The following SPATA31C2 variants were observed in gnomAD, a reference collection of about 807,000 sequenced individuals.
The protein encoded by SPATA31C2 is spermatogenesis-associated protein 31C2.
A neutral mutation model predicts 11.4 loss-of-function variants in SPATA31C2; 5 were observed. The ratio of observed to expected loss-of-function variants is 0.44; its 90% CI spans 0.23 to 0.92. The LOEUF (loss-of-function observed/expected upper bound fraction) is 0.92. SPATA31C2 is among the 40% of genes least tolerant of loss of function. The pLI is 0.24. For synonymous variants in SPATA31C2, 515 were observed against 538.7 expected (o/e 0.96, Z 0.61); for missense variants, 1,353 against 1,368.6 (o/e 0.99, Z 0.18).
Position 88,131,104 on chromosome 9 carries a change from C to T in SPATA31C2, c.1933G>A (p.Val645Met). ...LSFLEPCTQQ[V>M]LGAHIVRFWA... is the part of the protein sequence containing the mutation. ...AACCTCACAATATGGGCTCCCAGCACCTGCTGAGTACACGGCTCAAGGAAG... is the reference window on the plus strand; with the variant it reads ...AACCTCACAATATGGGCTCCCAGCATCTGCTGAGTACACGGCTCAAGGAAG... The change falls in exon 4 of 4, where the codon GTG becomes ATG. Residue 645 changes from valine to methionine, a missense_variant. Val to Met is a conservative substitution (Grantham distance 21). Around this residue, in one of 6 missense-constraint regions of SPATA31C2, gnomAD observed 1,075 missense variants for 992.8 expected, o/e 1.08. Coordinates refer to ENST00000324915, the MANE Select transcript of SPATA31C2 (RefSeq NM_001350978.3). 6.2e-7 allele frequency: 1 copy of T among 1,612,040 alleles called. No individual in the cohort carries two copies. The highest frequency in any genetic ancestry group is 1.1e-5 in the South Asian group (1 of 90,988).
At position 88,137,953 on chromosome 9, in the gene SPATA31C2, G is replaced by A. The variant is rs1225396339; in HGVS notation, c.189+305C>T. ...CATCTCATGACCAGAGACCTCCCCC[G>A]TCTCATGACCAGAGACCTCCCCCGT... On this transcript the variant is annotated intron_variant, in intron 1 of 3. Coordinates refer to ENST00000324915, the MANE Select transcript of SPATA31C2 (RefSeq NM_001350978.3). 3.6e-5 allele frequency among the ~76,000 whole-genome samples: 4 copies of A among 111,908 alleles called. 1 individual carries two copies. In the South Asian group the frequency reaches 8.6e-4, roughly 24 times the overall value. The allele number at this position is 111,908 out of a possible 152,430, so 73.4% of individuals were successfully genotyped here.
rs756886875 is a variant in SPATA31C2 at position 88,132,573 on chromosome 9, A to C, written c.464T>G (p.Val155Gly). ...AGGATCCGGGGAAGCTAACGGGGAGACAATGGGAGCAGCGTCTTCCGTAGG... is the reference window on the plus strand; with the variant it reads ...AGGATCCGGGGAAGCTAACGGGGAGCCAATGGGAGCAGCGTCTTCCGTAGG... Reference protein sequence around the residue: ...HEPTEDAAPIVSPLASPDPRT... With the variant: ...HEPTEDAAPIGSPLASPDPRT... Residue 155 changes from valine to glycine, a missense_variant, in exon 4 of 4, where the codon GTC (valine) becomes GGC (glycine). Val to Gly is a moderately radical substitution (Grantham distance 109). This residue lies in a region of SPATA31C2 where 1,075 missense variants were observed against 992.8 expected (regional missense o/e 1.08). Coordinates refer to ENST00000324915, the MANE Select transcript of SPATA31C2 (RefSeq NM_001350978.3). 1 of 1,610,230 alleles carries C rather than the reference A, an allele frequency of 6.2e-7. No individual in the cohort carries two copies. Among genetic ancestry groups the C allele is most frequent in the Non-Finnish European group, 8.5e-7 (1 of 1,177,748 alleles).
At position 88,136,874 on chromosome 9, in the gene SPATA31C2, C is replaced by G. The variant is rs367570307; in HGVS notation, c.189+1384G>C. On this transcript the variant is annotated intron_variant, in intron 1 of 3. Coordinates refer to ENST00000324915, the MANE Select transcript of SPATA31C2 (RefSeq NM_001350978.3). ...TTCCATACACTACCACCCCTCCACCCTGCTCTGTGGCTATAAAATTTCTAT... is the reference window on the plus strand; with the variant it reads ...TTCCATACACTACCACCCCTCCACCGTGCTCTGTGGCTATAAAATTTCTAT... Among the ~76,000 whole-genome samples the G allele has an allele frequency of 2.3e-5, 3 of 128,736 alleles. No individual in the cohort carries two copies. The East Asian group carries it at 7.5e-4, about 32-fold the overall frequency. 84.5% of individuals were successfully genotyped at this position (128,736 alleles called of 152,430 possible). A position where few individuals can be genotyped will look rare whatever the true frequency, so the allele number is the denominator to read the frequency against.
At position 88,136,205 on chromosome 9, in the gene SPATA31C2, T is replaced by G. The variant is rs1445846002; in HGVS notation, c.189+2053A>C. On this transcript the variant is annotated intron_variant, in intron 1 of 3. Coordinates refer to ENST00000324915, the MANE Select transcript of SPATA31C2 (RefSeq NM_001350978.3). ...GCCTTGGCCTCCCAAAGTGCTGGGA[T>G]TACAGGCGTGAGCCACCGTGCCGGG... 2.1e-5 allele frequency among the ~76,000 whole-genome samples: 3 copies of G among 144,626 alleles called. No individual in the cohort carries two copies. The Admixed American group carries it at 2.1e-4, about 10-fold the overall frequency. 94.9% of individuals were successfully genotyped at this position (144,626 alleles called of 152,430 possible). A position where few individuals can be genotyped will look rare whatever the true frequency, so the allele number is the denominator to read the frequency against.
chr9:88,131,998 G>A lies in SPATA31C2; in HGVS notation c.1039C>T (p.Pro347Ser), dbSNP rs1202718620. 2.5e-6 allele frequency: 4 copies of A among 1,611,080 alleles called. No homozygotes were observed. Among genetic ancestry groups the A allele is most frequent in the South Asian group, 1.1e-5 (1 of 91,036 alleles). The change falls in exon 4 of 4, where the codon CCT (proline) becomes TCT (serine). Residue 347 changes from proline to serine, a missense_variant. By Grantham distance (74) the Pro-to-Ser change is moderately conservative (BLOSUM62 -1). Coordinates refer to ENST00000324915, the MANE Select transcript of SPATA31C2 (RefSeq NM_001350978.3). The stretch of plus-strand genomic sequence containing the variant: ...GCCTGAGCCTCGGCCTGAGCCATAG[G>A]TGTGGGCCAGAATTGGGGTGTGGAT... ...ISSTPQFWPTPMAQAEAQAHL... is the reference protein window; with the variant it reads ...ISSTPQFWPTSMAQAEAQAHL...
chr9:88,137,269 G>A (rs1215463377), intron 1 of SPATA31C2, among the ~76,000 whole-genome samples: 1 of 148,910 alleles, frequency 6.7e-6, no homozygotes, highest in Non-Finnish European at 1.5e-5. Flanking sequence ...CAGTGGTTCT[G>A]GAGCAGTTAG....
intron 1 of SPATA31C2, among the ~76,000 whole-genome samples, chr9:88,135,870 TA>T (rs1326382985): frequency 3.8e-5 from 5 of 130,516 alleles, no homozygotes; most frequent in African/African-American, 6.2e-5. Flanking sequence ...AAGATTTTTT[TA>T]AAATTCTATT....
chr9:88,133,610 T>A lies in SPATA31C2; in HGVS notation c.249A>T (p.Lys83Asn). The A allele has an allele frequency of 1.2e-6, 2 of 1,604,330 alleles. No individual in the cohort carries two copies. Among genetic ancestry groups the A allele is most frequent in the Non-Finnish European group, 1.7e-6 (2 of 1,173,944 alleles). Residue 83 changes from lysine to asparagine, a missense_variant, in exon 2 of 4, where the codon AAA becomes AAT. Around this residue, in one of 6 missense-constraint regions of SPATA31C2, gnomAD observed 67 missense variants for 41.4 expected, o/e 1.62. Transcript: ENST00000324915. The stretch of plus-strand genomic sequence containing the variant: ...GAGCCTTACCTCTCAGACTGTGGTT[T>A]TTCATCCTGCCTCTGGGCCTCCCCC... ...GRRGRPRGRM[K>N]NHSLRACREC...
Position 88,130,023 on chromosome 9 carries a change from G to T in SPATA31C2, c.3014C>A (p.Ser1005Ter), listed in dbSNP as rs1444229536. 1 of 1,608,514 alleles carries T rather than the reference G, an allele frequency of 6.2e-7. No individual in the cohort carries two copies. The highest frequency in any genetic ancestry group is 8.5e-7 in the Non-Finnish European group (1 of 1,176,866). ...QLLPSKKQPP[S>*]ISHFGENIKQ... ...GATGTTTTCTCCAAAGTGGCTTATT[G>T]AAGGAGGCTGTTTCTTTGATGGCAG... The change falls in exon 4 of 4, where the codon TCA becomes TAA. Residue 1005 changes from serine (S) to a stop codon, truncating the protein, a stop_gained. Coordinates refer to ENST00000324915, the MANE Select transcript of SPATA31C2 (RefSeq NM_001350978.3). LOFTEE classifies it low-confidence loss of function (END_TRUNC).
In SPATA31C2 at chr9:88,133,659, A is replaced by G. The variant is rs747771888; in HGVS notation, c.200T>C (p.Val67Ala). The G allele has an allele frequency of 5.0e-6, 8 of 1,596,314 alleles. No homozygotes were observed. The highest frequency in any genetic ancestry group is 4.4e-5 in the South Asian group (4 of 90,962). The change falls in exon 2 of 4, where the codon GTC (valine) becomes GCC (alanine). Residue 67 changes from valine (V) to alanine (A), a missense_variant. By Grantham distance (64) the Val-to-Ala change is moderately conservative. Around this residue, in one of 6 missense-constraint regions of SPATA31C2, gnomAD observed 67 missense variants for 41.4 expected, o/e 1.62. Transcript: ENST00000324915. ...PSPRKRKRHL[V>A]SQRPAGRRGR... ...CCTCCGCCCTGCTGGACGCTGGGAG[A>G]CAAGATGACGCTGGGAGACAAGAAA...
Position 88,129,309 on chromosome 9 carries a change from T to TA in SPATA31C2, c.*322dup, listed in dbSNP as rs1825543392. The stretch of plus-strand genomic sequence containing the variant: ...ATAAAAGCCATCACCCTCTTATGAA[T>TA]AAAAAACCGTATATATTGTGGAATA... On this transcript the variant is annotated 3_prime_UTR_variant, in exon 4 of 4. Coordinates refer to ENST00000324915, the MANE Select transcript of SPATA31C2 (RefSeq NM_001350978.3). The TA allele has an allele frequency of 3.8e-6, 2 of 526,440 alleles. No individual in the cohort carries two copies. The highest frequency in any genetic ancestry group is 6.1e-6 in the Non-Finnish European group (2 of 328,562). The allele number at this position is 526,440 out of a possible 1,614,324, so 32.6% of individuals were successfully genotyped here.
In SPATA31C2 at chr9:88,130,183, G is replaced by A. The variant is rs754506614; in HGVS notation, c.2854C>T (p.Pro952Ser). The change falls in exon 4 of 4, where the codon CCT becomes TCT. Residue 952 changes from proline to serine, a missense_variant. Physicochemically the swap from Pro to Ser is moderately conservative, Grantham distance 74 (BLOSUM62 -1). Coordinates refer to ENST00000324915, the MANE Select transcript of SPATA31C2 (RefSeq NM_001350978.3). ...CTAGAGTTCTCCCTCTTGTGAGTAGGGGGAAACATTGGGCTTTGGCTCTTG... is the reference window on the plus strand; with the variant it reads ...CTAGAGTTCTCCCTCTTGTGAGTAGAGGGAAACATTGGGCTTTGGCTCTTG... ...SCKSQSPMFP[P>S]THKRENSRKP... is the part of the protein sequence containing the mutation. The A allele has an allele frequency of 5.8e-5, 94 of 1,608,616 alleles. 1 individual carries two copies. In the South Asian group the frequency reaches 1.0e-3, roughly 18 times the overall value.
chr9:88,135,617 T>G (rs2118725408), intron 1 of SPATA31C2, among the ~76,000 whole-genome samples: 2 of 136,858 alleles, frequency 1.5e-5, no homozygotes, highest in Middle Eastern at 7.7e-3. Context: ...GTTCCAGCCA[T>G]TCTCCTGTCT....
Position 88,130,811 on chromosome 9 carries a change from C to T in SPATA31C2, c.2226G>A (p.Gln742=), listed in dbSNP as rs1825577209. 1 of 1,613,002 alleles carries T rather than the reference C, an allele frequency of 6.2e-7. No individual in the cohort carries two copies. The highest frequency in any genetic ancestry group is 1.1e-5 in the South Asian group (1 of 91,024). The stretch of plus-strand genomic sequence containing the variant: ...AAGATGGGATCCCTCGCGGGGCCCT[C>T]TGGAACTGCTTACATGCAGGTGAGG... The part of the protein sequence containing the change: ...QASSPACKQF[Q]RAPRGIPSSN... Residue 742 remains glutamine, a synonymous_variant, in exon 4 of 4, where the codon CAG becomes CAA. Transcript: ENST00000324915.
intron 1 of SPATA31C2, among the ~76,000 whole-genome samples, chr9:88,137,197 A>C (rs557859680): frequency 1.4e-5 from 2 of 148,042 alleles, no homozygotes; most frequent in African/African-American, 5.0e-5. Flanking sequence ...GAACTCAGAA[A>C]TAGTTCCATA....
chr9:88,135,503 CT>C (rs1161001939), intron 1 of SPATA31C2, among the ~76,000 whole-genome samples: 6 of 121,500 alleles, frequency 4.9e-5, no homozygotes, highest in East Asian at 6.8e-4. Flanking sequence ...TCTCACTTTC[CT>C]TTTTTTTTAT....
Position 88,130,374 on chromosome 9 carries a change from A to G in SPATA31C2, c.2663T>C (p.Val888Ala), listed in dbSNP as rs1426965422. The change falls in exon 4 of 4, where the codon GTG becomes GCG. Residue 888 changes from valine to alanine, a missense_variant. By Grantham distance (64) the Val-to-Ala change is moderately conservative. This residue lies in a region of SPATA31C2 where 1,075 missense variants were observed against 992.8 expected (regional missense o/e 1.08). Transcript: ENST00000324915. The stretch of plus-strand genomic sequence containing the variant: ...AGCCAAATTCTCTGAAGCATGGGGC[A>G]CAACAGATGCTTGCCCATCTGGAAG... ...VLLPDGQASVVPHASENLASQ... is the reference protein window; with the variant it reads ...VLLPDGQASVAPHASENLASQ... 3 of 1,610,934 alleles carry G rather than the reference A, an allele frequency of 1.9e-6. No individual in the cohort carries two copies. The South Asian group carries it at 3.3e-5, about 18-fold the overall frequency.
At chr9:88,137,471 A>G (rs1825696360) in intron 1 of SPATA31C2, among the ~76,000 whole-genome samples, 1 of 145,186 alleles carries the variant, frequency 6.9e-6, no homozygotes, top group Admixed American at 7.5e-5. Flanking sequence ...AAAATACAAA[A>G]ATTAGCCAGG....
rs1241780752 is a variant in SPATA31C2, at chr9:88,131,689, A to G, written c.1348T>C (p.Trp450Arg). 10 of 1,611,880 alleles carry G rather than the reference A, an allele frequency of 6.2e-6. No homozygotes were observed. The highest frequency in any genetic ancestry group is 4.0e-5 in the African/African-American group (3 of 74,852). Residue 450 changes from tryptophan to arginine, a missense_variant, in exon 4 of 4, where the codon TGG (tryptophan) becomes CGG (arginine). Physicochemically the swap from Trp to Arg is moderately radical, Grantham distance 101 (BLOSUM62 -3). Transcript: ENST00000324915. The part of the protein sequence containing the change: ...PENFPVSPEL[W>R]RQLEQHMGQR... ...CCCATGTGTTGCTCCAGTTGTCTCCAGAGTTCAGGACTGACTGGAAAGTTC... is the reference window on the plus strand; with the variant it reads ...CCCATGTGTTGCTCCAGTTGTCTCCGGAGTTCAGGACTGACTGGAAAGTTC...
Sources: gnomAD v4.1 joint callset for allele counts (sites outside exome capture counted in the v4.1 genomes callset) on GRCh38, gnomAD v4.1.1 for gene constraint, gnomAD v4.1.1 regional missense constraint, MANE v1.5 for transcripts, NCBI Gene and HGNC (gene_info 2026-07-23, HGNC 2026-07-21) for gene names.